Variants in KIF6 observed in about 807,000 individuals in gnomAD.
The protein encoded by KIF6 is kinesin-like protein KIF6.
A neutral mutation model predicts 112.7 loss-of-function variants in KIF6; 106 were observed. The observed-to-expected ratio is 0.94, with a 90% CI of 0.80 to 1.11. The LOEUF (loss-of-function observed/expected upper bound fraction) is 1.11, where lower values mean the gene tolerates loss of function less well. Ranked by LOEUF, KIF6 falls within the 50% of genes least tolerant of loss-of-function variation. KIF6 has a pLI of 0.00. For missense variants in KIF6, 929 were observed against 964.0 expected, an observed-to-expected ratio of 0.96 and a Z score of 0.48; for synonymous variants, 339 against 339.9, an observed-to-expected ratio of 1.00 and a Z score of 0.03.
intron 16 of KIF6, among the ~76,000 whole-genome samples, chr6:39,365,017 C>T (rs928305970): frequency 1.3e-5 from 2 of 152,128 alleles, no homozygotes; most frequent in African/African-American, 4.8e-5. Flanking sequence ...TGTGATTGTC[C>T]TTTTGATCCC....
chr6:39,434,236 T>C (rs910193989), intron 13 of KIF6, among the ~76,000 whole-genome samples: 2 of 152,080 alleles, frequency 1.3e-5, no homozygotes, highest in African/African-American at 4.8e-5. Flanking sequence ...TGATTCTTGA[T>C]TTAAAGAATT....
At chr6:39,385,771 A>G in intron 15 of KIF6, 99 bp from the exon 16 acceptor site, 1 of 772,348 alleles carries the variant, frequency 1.3e-6, no homozygotes, top group Non-Finnish European at 2.3e-6. Context: ...AAAAAAAAAA[A>G]GGTAGAGTAA....
At chr6:39,349,631 C>CTTTTTTTTTTTTTTTTTTTTTTTTTTT (rs58810898) in intron 19 of KIF6, among the ~76,000 whole-genome samples, 1 of 64,560 alleles carries the variant, frequency 1.5e-5, no homozygotes, top group African/African-American at 6.5e-5. Flanking sequence ...ATTTGTGGCT[C>CTTTTTTTTTTTTTTTTTTTTTTTTTTT]TTTTTTTTTT....
chr6:39,397,038 A>G (rs2150332967), intron 15 of KIF6, among the ~76,000 whole-genome samples: 1 of 152,106 alleles, frequency 6.6e-6, no homozygotes, highest in African/African-American at 2.4e-5. Flanking sequence ...GGTGGGGAGG[A>G]AGGGGGGACA....
intron 13 of KIF6, among the ~76,000 whole-genome samples, chr6:39,528,111 T>A (rs768646382): frequency 3.3e-5 from 5 of 152,176 alleles, no homozygotes; most frequent in Non-Finnish European, 7.3e-5. Flanking sequence ...TTGACCATCA[T>A]CTCCCTATCC....
chr6:39,597,282 C>G (rs1213780020), intron 6 of KIF6, among the ~76,000 whole-genome samples: 1 of 152,132 alleles, frequency 6.6e-6, no homozygotes, highest in Admixed American at 6.6e-5. Flanking sequence ...TTTGCACTTC[C>G]TTACTAAAGT....
chr6:39,538,073 G>C (rs1778550926), intron 13 of KIF6, among the ~76,000 whole-genome samples: 1 of 152,004 alleles, frequency 6.6e-6, no homozygotes, highest in East Asian at 1.9e-4. Context: ...AATTCAAGAT[G>C]GATTAAAGAC....
intron 16 of KIF6, among the ~76,000 whole-genome samples, chr6:39,368,794 C>T: frequency 6.6e-6 from 1 of 152,206 alleles, no homozygotes; most frequent in East Asian, 1.9e-4. Flanking sequence ...GTTGAAATTT[C>T]CAAGCATTCA....
chr6:39,617,854 C>T, intron 5 of KIF6: 1 of 420,470 alleles, frequency 2.4e-6, no homozygotes, highest in Non-Finnish European at 4.9e-6. Flanking sequence ...AGATATGTTT[C>T]ACATGTTGTA....
chr6:39,401,042 A>G (rs1768660172), intron 15 of KIF6, among the ~76,000 whole-genome samples: 2 of 152,256 alleles, frequency 1.3e-5, no homozygotes, highest in East Asian at 3.8e-4. Context: ...TTAGGAAATC[A>G]CCAATGATGA....
At chr6:39,551,904 G>A (rs972365377) in intron 10 of KIF6, among the ~76,000 whole-genome samples, 11 of 152,178 alleles carry the variant, frequency 7.2e-5, no homozygotes, top group South Asian at 2.1e-4. Context: ...TGCAAGGAAC[G>A]AAGAGAGAAT....
At chr6:39,344,319 CTT>C (rs1300018735) in intron 21 of KIF6, among the ~76,000 whole-genome samples, 1 of 152,142 alleles carries the variant, frequency 6.6e-6, no homozygotes, top group Non-Finnish European at 1.5e-5. Context: ...CATTAAATCT[CTT>C]TTTCTTTATA....
chr6:39,549,627 G>A (rs1163832734), intron 10 of KIF6, among the ~76,000 whole-genome samples: 1 of 152,182 alleles, frequency 6.6e-6, no homozygotes, highest in Non-Finnish European at 1.5e-5. Flanking sequence ...AGCATTCATT[G>A]AGGAGGCAAA....
chr6:39,505,745 T>C (rs1582002351), intron 13 of KIF6, among the ~76,000 whole-genome samples: 1 of 152,044 alleles, frequency 6.6e-6, no homozygotes. Context: ...AACAAACATA[T>C]GAAAAAAAGC....
At chr6:39,672,565 C>T (rs568123394) in intron 3 of KIF6, among the ~76,000 whole-genome samples, 1 of 152,264 alleles carries the variant, frequency 6.6e-6, no homozygotes, top group East Asian at 1.9e-4. Flanking sequence ...GTTGCCATAA[C>T]AAAATACCAA....
At chr6:39,647,935 T>C (rs1785255812) in intron 3 of KIF6, among the ~76,000 whole-genome samples, 1 of 151,784 alleles carries the variant, frequency 6.6e-6, no homozygotes, top group African/African-American at 2.4e-5. Context: ...GGTCTTGAAC[T>C]CCTGAACTCA....
intron 10 of KIF6, among the ~76,000 whole-genome samples, chr6:39,553,429 G>A (rs563635527): frequency 6.6e-6 from 1 of 152,278 alleles, no homozygotes; most frequent in African/African-American, 2.4e-5. Context: ...AATAGCAAAT[G>A]CGAAAAATCA....
At chr6:39,644,026 A>C (rs1443844481) in intron 3 of KIF6, among the ~76,000 whole-genome samples, 1 of 152,184 alleles carries the variant, frequency 6.6e-6, no homozygotes, top group Non-Finnish European at 1.5e-5. Context: ...AACAGATTCG[A>C]ATAGACATTT....
intron 16 of KIF6, among the ~76,000 whole-genome samples, chr6:39,365,371 C>G (rs1372171014): frequency 1.3e-5 from 2 of 152,176 alleles, no homozygotes; most frequent in African/African-American, 4.8e-5. Flanking sequence ...GATGAGGCAG[C>G]CCGCCTGTCC....
Sources: gnomAD v4.1 joint callset for allele counts (sites outside exome capture counted in the v4.1 genomes callset) on GRCh38, gnomAD v4.1.1 for gene constraint, MANE v1.5 for transcripts, NCBI Gene and HGNC (gene_info 2026-07-23, HGNC 2026-07-21) for gene names.